The following PTBP3 variants were observed in gnomAD, a reference collection of about 807,000 sequenced individuals.
PTBP3 encodes polypyrimidine tract-binding protein 3.
PTBP3 carries 20 observed loss-of-function variants against 58.7 expected under a neutral mutation model. The ratio of observed to expected loss-of-function variants is 0.34; its 90% CI spans 0.24 to 0.50. The LOEUF (loss-of-function observed/expected upper bound fraction) is 0.50. PTBP3 is among the 20% of genes least tolerant of loss of function. The pLI, the probability that PTBP3 is intolerant of heterozygous loss-of-function variation, is 0.98. For missense variants in PTBP3, 509 were observed against 637.2 expected (o/e 0.80, Z 2.17); for synonymous variants, 185 against 219.8 (o/e 0.84, Z 1.40).
chr9:112,291,091 G>C (rs7863635), intron 2 of PTBP3, among the ~76,000 whole-genome samples: 2,842 of 151,962 alleles, frequency 0.019, 87 homozygotes, highest in African/African-American at 0.063. Flanking sequence ...GCATGGTGGC[G>C]GGCGCCTGTA....
chr9:112,371,854 C>T, the PTBP3 span, among the ~76,000 whole-genome samples: 1 of 152,092 alleles, frequency 6.6e-6, no homozygotes, highest in Non-Finnish European at 1.5e-5. Flanking sequence ...TTGCCTCAGC[C>T]TCCCAAGTAG....
intron 5 of PTBP3, among the ~76,000 whole-genome samples, chr9:112,258,546 C>CT (rs1564411668): frequency 1.3e-5 from 2 of 152,054 alleles, no homozygotes; most frequent in South Asian, 2.1e-4. Flanking sequence ...TGCCCCAAAT[C>CT]TTTTTTTGTC....
intron 2 of PTBP3, chr9:112,280,840 AAG>A (rs1369652546): frequency 4.8e-5 from 3 of 62,588 alleles, no homozygotes; most frequent in Admixed American, 3.6e-4. Context: ...AGTTTGTTAT[AAG>A]AGAGATACAA....
intron 5 of PTBP3, among the ~76,000 whole-genome samples, chr9:112,257,907 T>A (rs1447677525): frequency 7.1e-6 from 1 of 140,410 alleles, no homozygotes; most frequent in African/African-American, 2.6e-5. Context: ...ACCACCACAC[T>A]CCAGCCTGGG....
At chr9:112,319,217 C>T (rs1446287912) in intron 1 of PTBP3, among the ~76,000 whole-genome samples, 2 of 150,200 alleles carry the variant, frequency 1.3e-5, no homozygotes, top group Non-Finnish European at 3.0e-5. Flanking sequence ...AAGGGTACAT[C>T]AAAAATTACA....
the PTBP3 span, among the ~76,000 whole-genome samples, chr9:112,379,712 C>T: frequency 6.6e-6 from 1 of 152,232 alleles, no homozygotes; most frequent in African/African-American, 2.4e-5. Flanking sequence ...GCTAACGCAC[C>T]TCTCGGAGGG....
chr9:112,318,590 T>C (rs1445688674), intron 1 of PTBP3, among the ~76,000 whole-genome samples: 5 of 151,584 alleles, frequency 3.3e-5, no homozygotes, highest in African/African-American at 9.7e-5. Flanking sequence ...TGAAACCCCA[T>C]CGTGACTAAA....
At chr9:112,253,395 C>T (rs1836211985) in intron 5 of PTBP3, among the ~76,000 whole-genome samples, 1 of 152,076 alleles carries the variant, frequency 6.6e-6, no homozygotes, top group Non-Finnish European at 1.5e-5. Flanking sequence ...CAAAGAAGGC[C>T]TTTCTGAAGT....
rs1834844098 is a variant in PTBP3 at position 112,222,630 on chromosome 9, G to C, written c.*1221C>G. 1 of 985,596 alleles carries C rather than the reference G, an allele frequency of 1.0e-6. No homozygotes were observed. The highest frequency in any genetic ancestry group is 1.7e-5 in the African/African-American group (1 of 57,286). 61.1% of individuals were successfully genotyped at this position (985,596 alleles called of 1,614,324 possible). On this transcript the variant is annotated 3_prime_UTR_variant, in exon 14 of 14. Transcript: ENST00000374257. ...TCTCTGCACCAAGCACCAAAAATTT[G>C]ATAAAAACTATTACTTATTGAAAAC... is the stretch of plus-strand genomic sequence containing the variant.
rs1308181055 is a variant in PTBP3, at chr9:112,227,417, T to C, written c.1358A>G (p.Asn453Ser). The C allele has an allele frequency of 1.2e-6, 2 of 1,613,188 alleles. No individual in the cohort carries two copies. Among genetic ancestry groups the C allele is most frequent in the Non-Finnish European group, 1.7e-6 (2 of 1,179,198 alleles). Reference protein sequence around the residue: ...FPPSATLHLSNIPPSVTVDDL... With the variant: ...FPPSATLHLSSIPPSVTVDDL... ...TAACTTATTAGGTACATACGGAATG[T>C]TGGAAAGATGCAGAGTGGCTGATGG... is the stretch of plus-strand genomic sequence containing the variant. Residue 453 changes from asparagine to serine, a missense_variant, in exon 12 of 14, where the codon AAC (asparagine) becomes AGC (serine). Asn to Ser is a conservative substitution (Grantham distance 46). Around this residue, in one of 4 missense-constraint regions of PTBP3, gnomAD observed 135 missense variants for 229.0 expected, o/e 0.59. Transcript: ENST00000374257.
the PTBP3 span, among the ~76,000 whole-genome samples, chr9:112,363,793 T>C: frequency 6.6e-6 from 1 of 152,132 alleles, no homozygotes; most frequent in South Asian, 2.1e-4. Flanking sequence ...TCCTCCACCA[T>C]TAACAGCCCC....
At chr9:112,371,653 T>TC in the PTBP3 span, among the ~76,000 whole-genome samples, 1 of 141,968 alleles carries the variant, frequency 7.0e-6, no homozygotes, top group Non-Finnish European at 1.5e-5. Flanking sequence ...TAGATTTTTT[T>TC]TTTTTTTTTT....
At chr9:112,290,389 T>A (rs1828338597) in intron 2 of PTBP3, among the ~76,000 whole-genome samples, 1 of 151,902 alleles carries the variant, frequency 6.6e-6, no homozygotes, top group Admixed American at 6.6e-5. Context: ...AAATACACAA[T>A]ATCGGCCAGG....
At chr9:112,254,239 G>C (rs888731822) in intron 5 of PTBP3, among the ~76,000 whole-genome samples, 3 of 152,054 alleles carry the variant, frequency 2.0e-5, no homozygotes, top group African/African-American at 7.2e-5. Context: ...TCCCATCTTG[G>C]CCTTCCGAAG....
chr9:112,320,348 TAA>T (rs1231287803), intron 1 of PTBP3, among the ~76,000 whole-genome samples: 3 of 37,506 alleles, frequency 8.0e-5, no homozygotes, highest in Middle Eastern at 9.6e-3. Context: ...GAAAAAATGA[TAA>T]GTGACAATGC....
At chr9:112,321,246 A>C (rs911673099) in intron 1 of PTBP3, among the ~76,000 whole-genome samples, 1 of 152,134 alleles carries the variant, frequency 6.6e-6, no homozygotes, top group East Asian at 1.9e-4. Flanking sequence ...ACAAAAAGAA[A>C]ACTGGCCGGG....
the PTBP3 span, among the ~76,000 whole-genome samples, chr9:112,375,761 A>G: frequency 6.6e-6 from 1 of 152,130 alleles, no homozygotes; most frequent in Admixed American, 6.6e-5. Flanking sequence ...GACCCACTTT[A>G]TGGCTAGATG....
At chr9:112,250,792 T>C in intron 7 of PTBP3, 137 bp downstream of exon 7, 1 of 803,544 alleles carries the variant, frequency 1.2e-6, no homozygotes, top group Non-Finnish European at 1.8e-6. Context: ...GGGTATACTT[T>C]GTTCTAGGAT....
the PTBP3 span, chr9:112,379,853 CA>C: frequency 1.9e-6 from 1 of 518,210 alleles, no homozygotes; most frequent in Non-Finnish European, 3.4e-6. Flanking sequence ...TAGGCGCCGA[CA>C]GGAGCCTGAT....
Sources: allele counts gnomAD v4.1 joint callset (sites outside exome capture counted in the v4.1 genomes callset), GRCh38; gene constraint gnomAD v4.1.1; regional missense constraint gnomAD v4.1.1; transcripts MANE v1.5; gene names NCBI Gene and HGNC (gene_info 2026-07-23, HGNC 2026-07-21).